ZNF460: variants seen among roughly 807,000 people sequenced by gnomAD.
ZNF460 encodes the protein zinc finger protein 272.
A neutral mutation model predicts 8.4 loss-of-function variants in ZNF460; 1 was observed. That is an observed-to-expected ratio of 0.12 (90% CI 0.04 to 0.56). ZNF460 has a LOEUF of 0.56. Ranked by LOEUF, ZNF460 falls within the 20% of genes least tolerant of loss-of-function variation. The probability of loss-of-function intolerance (pLI) is 0.91; values close to 1 mark genes in which losing one functional copy is unlikely to be tolerated. For synonymous variants in ZNF460, 262 were observed against 259.9 expected (o/e 1.01, Z -0.08); for missense variants, 477 against 714.8 (o/e 0.67, Z 3.79).
In ZNF460 at chr19:57,291,628, C is replaced by T; in HGVS notation, c.1087C>T (p.Pro363Ser). The change falls in exon 3 of 3, where the codon CCC (proline) becomes TCC (serine). Residue 363 changes from proline to serine, a missense_variant. Pro to Ser is a moderately conservative substitution (Grantham distance 74). Around this residue, in one of 5 missense-constraint regions of ZNF460, gnomAD observed 193 missense variants for 391.7 expected, o/e 0.49. Coordinates refer to ENST00000360338, the MANE Select transcript of ZNF460 (RefSeq NM_006635.4). The surrounding 1 kb of genome is among the most constrained non-coding windows in gnomAD (Gnocchi z 8.4). ...TGAGCGGATTCACACTGGTGAGAAG[C>T]CCTTTGTGTGCAGTCAATGTGGAAA... Reference protein sequence around the residue: ...QHERIHTGEKPFVCSQCGKAF... With the variant: ...QHERIHTGEKSFVCSQCGKAF... 6.2e-7 allele frequency: 1 copy of T among 1,613,592 alleles called. No homozygotes were observed. Among genetic ancestry groups the T allele is most frequent in the Non-Finnish European group, 8.5e-7 (1 of 1,179,886 alleles).
chr19:57,288,979 G>T (rs1165847194), intron 2 of ZNF460, among the ~76,000 whole-genome samples: 1 of 150,992 alleles, frequency 6.6e-6, no homozygotes, highest in East Asian at 1.9e-4. Context: ...CGAGTAGCCA[G>T]GATTACAGGC....
chr19:57,283,468 TACAA>T (rs1316030753), intron 1 of ZNF460, among the ~76,000 whole-genome samples: 11 of 147,926 alleles, frequency 7.4e-5, no homozygotes, highest in Non-Finnish European at 1.3e-4. Context: ...GTGCCCAGCC[TACAA>T]ACAGTTTTTC....
chr19:57,281,651 C>T (rs991454819), intron 1 of ZNF460, among the ~76,000 whole-genome samples: 4 of 149,362 alleles, frequency 2.7e-5, no homozygotes, highest in Non-Finnish European at 4.4e-5. Context: ...CTGCAACCTC[C>T]GCCTTTTGGG....
chr19:57,283,872 G>T (rs2087860108), intron 1 of ZNF460, among the ~76,000 whole-genome samples: 1 of 152,102 alleles, frequency 6.6e-6, no homozygotes, highest in African/African-American at 2.4e-5. Context: ...GAAATGAAAT[G>T]AGGTCCCCAA....
rs750273183 is a variant in ZNF460 at position 57,280,804 on chromosome 19, G to C, written c.-3G>C. The C allele has an allele frequency of 6.2e-7, 1 of 1,614,062 alleles. No individual in the cohort carries two copies. The highest frequency in any genetic ancestry group is 2.2e-5 in the East Asian group (1 of 44,866). ...TGGTCGGCTGATCCGCGGCATTCCCGGGATGGCGGCGGCGTGGATGGCTCC... is the reference window on the plus strand; with the variant it reads ...TGGTCGGCTGATCCGCGGCATTCCCCGGATGGCGGCGGCGTGGATGGCTCC... On this transcript the variant is annotated 5_prime_UTR_variant, in exon 1 of 3. Transcript: ENST00000360338.
rs2087927004 is a variant in ZNF460 at position 57,292,614 on chromosome 19, A to G, written c.*384A>G. 7 of 165,150 alleles carry G rather than the reference A, an allele frequency of 4.2e-5. No individual in the cohort carries two copies. The South Asian group carries it at 1.1e-3, about 27-fold the overall frequency. The allele number at this position is 165,150 out of a possible 1,614,324, so 10.2% of individuals were successfully genotyped here. A position where few individuals can be genotyped will look rare whatever the true frequency, so the allele number is the denominator to read the frequency against. On this transcript the variant is annotated 3_prime_UTR_variant, in exon 3 of 3. Coordinates refer to ENST00000360338, the MANE Select transcript of ZNF460 (RefSeq NM_006635.4). ...AAGGAGGAGGAGTCATAGGGAAGAG[A>G]AAGAAATGGAAGCACAGCTTCTTTC...
At chr19:57,285,855 G>GTTTGAGACTCCTTGTTTTGA (rs1270620773) in intron 2 of ZNF460, among the ~76,000 whole-genome samples, 1 of 152,090 alleles carries the variant, frequency 6.6e-6, no homozygotes, top group Non-Finnish European at 1.5e-5. Context: ...TGAGACTCCT[G>GTTTGAGACTCCTTGTTTTGA]GCACCACACG....
In ZNF460 at chr19:57,290,694, T is replaced by G. The variant is rs767187911; in HGVS notation, c.158-5T>G. On this transcript the variant is annotated splice_region_variant and splice_polypyrimidine_tract_variant and intron_variant, in intron 2 of 2. Coordinates refer to ENST00000360338, the MANE Select transcript of ZNF460 (RefSeq NM_006635.4). The stretch of plus-strand genomic sequence containing the variant: ...AAGTTCTTTTGTGTATTGTGTTCCC[T>G]TCAGGTGACAGCACAAAACCTGAGA... 10 of 1,609,398 alleles carry G rather than the reference T, an allele frequency of 6.2e-6. No homozygotes were observed. The East Asian group carries it at 2.2e-4, about 36-fold the overall frequency.
At chr19:57,286,245 T>A (rs1268302924) in intron 2 of ZNF460, among the ~76,000 whole-genome samples, 1 of 152,026 alleles carries the variant, frequency 6.6e-6, no homozygotes, top group African/African-American at 2.4e-5. Flanking sequence ...CTGTGTCACG[T>A]TTTGGTAATT....
In ZNF460 at chr19:57,290,715, T is replaced by C; in HGVS notation, c.174T>C (p.Pro58=). 6.2e-7 allele frequency: 1 copy of C among 1,613,018 alleles called. No individual in the cohort carries two copies. The highest frequency in any genetic ancestry group is 8.5e-7 in the Non-Finnish European group (1 of 1,179,290). ...TCCCTTCAGGTGACAGCACAAAACC[T>C]GAGACCGTAGAGCCTATCCCTTCTC... The part of the protein sequence containing the change: ...LLVALGDSTK[P]ETVEPIPSHL... Residue 58 remains proline, a synonymous_variant, in exon 3 of 3, where the codon CCT becomes CCC. Coordinates refer to ENST00000360338, the MANE Select transcript of ZNF460 (RefSeq NM_006635.4).
intron 1 of ZNF460, among the ~76,000 whole-genome samples, chr19:57,283,303 A>G (rs572645856): frequency 4.4e-4 from 67 of 150,606 alleles, no homozygotes; most frequent in South Asian, 1.7e-3. Context: ...CCGAGTAGCT[A>G]GGACTACAGG....
intron 2 of ZNF460, among the ~76,000 whole-genome samples, chr19:57,289,285 A>AG: frequency 6.6e-6 from 1 of 152,232 alleles, no homozygotes; most frequent in East Asian, 1.9e-4. Context: ...GGCCATCACT[A>AG]GCTGTCCCTC....
At chr19:57,280,962 G>A (rs2087834038) in intron 1 of ZNF460, 126 bp downstream of exon 1, 2 of 1,376,220 alleles carry the variant, frequency 1.5e-6, no homozygotes, top group East Asian at 2.5e-5. Flanking sequence ...AGAAATGGCC[G>A]TGGCTTGTCA....
chr19:57,280,693 C>T lies in ZNF460; in HGVS notation c.-114C>T, dbSNP rs900071785. 1.1e-5 allele frequency: 16 copies of T among 1,482,702 alleles called. No homozygotes were observed. The African/African-American group carries it at 1.8e-4, about 17-fold the overall frequency. The allele number at this position is 1,482,702 out of a possible 1,614,324, so 91.8% of individuals were successfully genotyped here. ...TCAGCCCCGACGCTGCGCCTTGGGC[C>T]TTGTGCGCATTTTTTTCGGGGGAAA... On this transcript the variant is annotated 5_prime_UTR_variant, in exon 1 of 3. Transcript: ENST00000360338.
At position 57,283,307 on chromosome 19, in the gene ZNF460, C is replaced by T. The variant is rs1233798441; in HGVS notation, c.31-1244C>T. On this transcript the variant is annotated intron_variant, in intron 1 of 2. Coordinates refer to ENST00000360338, the MANE Select transcript of ZNF460 (RefSeq NM_006635.4). ...GCTTCAGCCTCCCGAGTAGCTAGGA[C>T]TACAGGCACACACTACCACACCCAG... Among the ~76,000 whole-genome samples, 6 of 150,946 alleles carry T rather than the reference C, an allele frequency of 4.0e-5. No individual in the cohort carries two copies. In the East Asian group the frequency reaches 9.8e-4, roughly 25 times the overall value.
Position 57,292,120 on chromosome 19 carries a change from A to G in ZNF460, c.1579A>G (p.Thr527Ala), listed in dbSNP as rs987173052. Residue 527 changes from threonine (T) to alanine (A), a missense_variant, in exon 3 of 3, where the codon ACT becomes GCT. Transcript: ENST00000360338. Reference sequence around the variant, plus strand: ...TCTCATTCAACACTCCATCATCCACACTGAGAGTAGCCCAGTGAGTGCAGT... The same window carrying G: ...TCTCATTCAACACTCCATCATCCACGCTGAGAGTAGCCCAGTGAGTGCAGT... ...TDLIQHSIIH[T>A]ESSPVSAVNM... The G allele has an allele frequency of 1.2e-6, 2 of 1,614,168 alleles. No homozygotes were observed. Among genetic ancestry groups the G allele is most frequent in the Admixed American group, 3.3e-5 (2 of 60,018 alleles).
chr19:57,284,192 C>CTTTATTTATTTA (rs10558874), intron 1 of ZNF460, among the ~76,000 whole-genome samples: 2 of 148,804 alleles, frequency 1.3e-5, no homozygotes, highest in African/African-American at 4.9e-5. Flanking sequence ...GCCTAGGAGG[C>CTTTATTTATTTA]TTTATTTATT....
rs1600019360 is a variant in ZNF460, at chr19:57,280,733, T to G, written c.-74T>G. Reference sequence around the variant, plus strand: ...TTCGGGGGAAAACTGAGGCTCGGAGTGCGAAAGTCAGCCGAGGTCGCCCCG... The same window carrying G: ...TTCGGGGGAAAACTGAGGCTCGGAGGGCGAAAGTCAGCCGAGGTCGCCCCG... On this transcript the variant is annotated 5_prime_UTR_variant, in exon 1 of 3. Coordinates refer to ENST00000360338, the MANE Select transcript of ZNF460 (RefSeq NM_006635.4). The G allele has an allele frequency of 1.3e-6, 2 of 1,594,222 alleles. No homozygotes were observed. The highest frequency in any genetic ancestry group is 1.7e-6 in the Non-Finnish European group (2 of 1,168,800).
At chr19:57,285,648 G>A (rs2087874254) in intron 2 of ZNF460, among the ~76,000 whole-genome samples, 1 of 152,128 alleles carries the variant, frequency 6.6e-6, no homozygotes, top group African/African-American at 2.4e-5. Flanking sequence ...TTTGTGATGT[G>A]TTGATTTTGA....
Sources: gnomAD v4.1 joint callset for allele counts (sites outside exome capture counted in the v4.1 genomes callset) on GRCh38, gnomAD v4.1.1 for gene constraint, gnomAD v4.1.1 regional missense constraint, Gnocchi (gnomAD v3.1) non-coding constraint, MANE v1.5 for transcripts, NCBI Gene and HGNC (gene_info 2026-07-23, HGNC 2026-07-21) for gene names.